The following FRMD4A variants were observed in gnomAD, a reference collection of about 807,000 sequenced individuals.
FRMD4A encodes the protein FERM domain-containing protein 4A.
A neutral mutation model predicts 129.1 loss-of-function variants in FRMD4A; 29 were observed. The ratio of observed to expected loss-of-function variants is 0.22; its 90% CI spans 0.17 to 0.31. The LOEUF (loss-of-function observed/expected upper bound fraction) is 0.31. Among genes scored for constraint, FRMD4A ranks in the 10% least tolerant of loss-of-function variants. The pLI is 1.00. For synonymous variants in FRMD4A, 634 were observed against 571.6 expected (o/e 1.11, Z -1.56); for missense variants, 1,272 against 1,375.8 (o/e 0.92, Z 1.19).
rs182899300 is a variant in FRMD4A, at chr10:13,981,610, G to A, written c.46-122698C>T. Among the ~76,000 whole-genome samples, 17 of 152,058 alleles carry A rather than the reference G, an allele frequency of 1.1e-4. No individual in the cohort carries two copies. In the East Asian group the frequency reaches 3.3e-3, roughly 29 times the overall value. On this transcript the variant is annotated intron_variant, in intron 2 of 24. Coordinates refer to ENST00000357447, the MANE Select transcript of FRMD4A (RefSeq NM_018027.5). ...AAAAATCAGCTGGGCATGGTGGTGG[G>A]TGCCTGTAATCCCAGCTACTCAGGA...
intron 5 of FRMD4A, among the ~76,000 whole-genome samples, chr10:13,786,072 C>G (rs570328362): frequency 2.0e-5 from 3 of 152,294 alleles, no homozygotes; most frequent in Non-Finnish European, 4.4e-5. Context: ...AATAGTGCCA[C>G]AATAAACATA....
intron 2 of FRMD4A, among the ~76,000 whole-genome samples, chr10:14,149,736 G>A (rs1840249198): frequency 6.6e-6 from 1 of 152,162 alleles, no homozygotes; most frequent in Non-Finnish European, 1.5e-5. Flanking sequence ...CCACCCTCAG[G>A]AAAGGTGGGA....
At chr10:14,043,304 A>C (rs769732590) in intron 2 of FRMD4A, among the ~76,000 whole-genome samples, 2 of 152,202 alleles carry the variant, frequency 1.3e-5, no homozygotes, top group Admixed American at 6.5e-5. Flanking sequence ...AAGGAATTCT[A>C]AAATTTGATG....
At position 14,086,262 on chromosome 10, in the gene FRMD4A, T is replaced by G. The variant is rs575091757; in HGVS notation, c.46-227350A>C. The stretch of plus-strand genomic sequence containing the variant: ...TTCTACCCTGGTAATAAAAAAAATC[T>G]TTCAAATGTACAAGCCCACTTGTAT... On this transcript the variant is annotated intron_variant, in intron 2 of 24. Transcript: ENST00000357447. Among the ~76,000 whole-genome samples the G allele has an allele frequency of 1.2e-3, 176 of 152,334 alleles. 1 individual carries two copies. The highest frequency in any genetic ancestry group is 4.1e-3 in the African/African-American group (169 of 41,578).
intron 2 of FRMD4A, among the ~76,000 whole-genome samples, chr10:13,966,380 G>A (rs2095485412): frequency 6.6e-6 from 1 of 152,142 alleles, no homozygotes; most frequent in African/African-American, 2.4e-5. Context: ...GGTTTTTGCT[G>A]TAATTAAAAG....
intron 2 of FRMD4A, among the ~76,000 whole-genome samples, chr10:13,936,920 A>G (rs933227846): frequency 1.3e-5 from 2 of 152,162 alleles, no homozygotes; most frequent in Non-Finnish European, 2.9e-5. Flanking sequence ...TTTTCCCCTT[A>G]AATAAATAGT....
chr10:13,963,673 T>A lies in FRMD4A; in HGVS notation c.46-104761A>T, dbSNP rs187441667. On this transcript the variant is annotated intron_variant, in intron 2 of 24. Transcript: ENST00000357447. ...AAATGATTATTCTAGAAGTTCTGTTTCAAAAGCATATTTTCTATAAAGAAG... is the reference window on the plus strand; with the variant it reads ...AAATGATTATTCTAGAAGTTCTGTTACAAAAGCATATTTTCTATAAAGAAG... 1.6e-3 allele frequency among the ~76,000 whole-genome samples: 242 copies of A among 152,372 alleles called. 1 individual carries two copies. The highest frequency in any genetic ancestry group is 5.6e-3 in the African/African-American group (233 of 41,584).
intron 2 of FRMD4A, among the ~76,000 whole-genome samples, chr10:13,988,276 G>A (rs4748067): frequency 0.35 from 53,883 of 152,168 alleles, 11,895 homozygotes; most frequent in Non-Finnish European, 0.5. Context: ...GTAGGACTTC[G>A]CAATTTGGCA....
At chr10:14,256,487 A>G (rs180762278) in intron 2 of FRMD4A, among the ~76,000 whole-genome samples, 12 of 152,252 alleles carry the variant, frequency 7.9e-5, no homozygotes, top group Admixed American at 5.9e-4. Flanking sequence ...GTGATGGAAA[A>G]TTTTTCTAAA....
intron 13 of FRMD4A, among the ~76,000 whole-genome samples, chr10:13,702,892 T>G: frequency 7.5e-6 from 1 of 134,122 alleles, no homozygotes; most frequent in Admixed American, 8.2e-5. Context: ...TTTTCTCCCT[T>G]CGGTTCCAAC....
In FRMD4A at chr10:13,701,419, G is replaced by C; in HGVS notation, c.896C>G (p.Ala299Gly). 1.9e-6 allele frequency: 3 copies of C among 1,613,804 alleles called. No homozygotes were observed. Among genetic ancestry groups the C allele is most frequent in the Non-Finnish European group, 2.5e-6 (3 of 1,179,684 alleles). ...GATGGACTTGATCAATGCCGGACATGCATACCACGTGTGCACTGCAATGCC... is the reference window on the plus strand; with the variant it reads ...GATGGACTTGATCAATGCCGGACATCCATACCACGTGTGCACTGCAATGCC... ...HSGIAVHTWY[A>G]CPALIKSIWA... The change falls in exon 14 of 25, where the codon GCA becomes GGA. Residue 299 changes from alanine to glycine, a missense_variant. Coordinates refer to ENST00000357447, the MANE Select transcript of FRMD4A (RefSeq NM_018027.5).
At chr10:13,933,144 G>A (rs1399739608) in intron 2 of FRMD4A, among the ~76,000 whole-genome samples, 1 of 149,582 alleles carries the variant, frequency 6.7e-6, no homozygotes, top group Non-Finnish European at 1.5e-5. Context: ...CTGGACAAGA[G>A]CAAAACTCTG....
intron 15 of FRMD4A, among the ~76,000 whole-genome samples, chr10:13,681,406 T>C (rs1275318115): frequency 6.6e-6 from 1 of 152,170 alleles, no homozygotes; most frequent in African/African-American, 2.4e-5. Flanking sequence ...CTCTTTATTC[T>C]AGGTAGAAGG....
At chr10:14,224,416 G>A (rs902242917) in intron 2 of FRMD4A, among the ~76,000 whole-genome samples, 7 of 152,234 alleles carry the variant, frequency 4.6e-5, no homozygotes, top group African/African-American at 1.7e-4. Flanking sequence ...TGAGAGCATA[G>A]CTGTGGTTTA....
intron 3 of FRMD4A, among the ~76,000 whole-genome samples, chr10:13,855,195 C>T (rs1246690608): frequency 6.6e-6 from 1 of 152,156 alleles, no homozygotes; most frequent in Non-Finnish European, 1.5e-5. Context: ...AAATGTTATG[C>T]TCGGAGTGGC....
chr10:14,201,061 C>CA (rs2131939566), intron 2 of FRMD4A, among the ~76,000 whole-genome samples: 1 of 152,304 alleles, frequency 6.6e-6, no homozygotes, highest in African/African-American at 2.4e-5. Flanking sequence ...CCCTAGCTGC[C>CA]AGAGCCCTTT....
At chr10:13,654,605 G>C (rs1461655029) in intron 22 of FRMD4A, 93 bp from the exon 23 acceptor site, 2 of 754,274 alleles carry the variant, frequency 2.7e-6, no homozygotes, top group Non-Finnish European at 4.6e-6. Flanking sequence ...CCAACCCAGT[G>C]GCCAGAGGTC....
intron 16 of FRMD4A, among the ~76,000 whole-genome samples, chr10:13,673,980 C>A (rs539467000): frequency 6.6e-6 from 1 of 151,822 alleles, no homozygotes; most frequent in Non-Finnish European, 1.5e-5. Flanking sequence ...GTTGCTCAGG[C>A]TAGTCTCCAA....
chr10:13,812,356 A>G (rs1240166520), intron 3 of FRMD4A, among the ~76,000 whole-genome samples: 5 of 152,214 alleles, frequency 3.3e-5, no homozygotes, highest in African/African-American at 4.8e-5. Flanking sequence ...TCGTGTCCTT[A>G]TAAGAAGAGA....
Sources: allele counts gnomAD v4.1 joint callset (sites outside exome capture counted in the v4.1 genomes callset), GRCh38; gene constraint gnomAD v4.1.1; transcripts MANE v1.5; gene names NCBI Gene and HGNC (gene_info 2026-07-23, HGNC 2026-07-21).